ROR2: variants seen among roughly 807,000 people sequenced by gnomAD.
ROR2 encodes tyrosine-protein kinase transmembrane receptor ROR2.
ROR2 carries 33 observed loss-of-function variants against 74.9 expected under a neutral mutation model. The ratio of observed to expected loss-of-function variants is 0.44; its 90% confidence interval spans 0.33 to 0.59. The LOEUF (loss-of-function observed/expected upper bound fraction) is 0.59. Among genes scored for constraint, ROR2 ranks in the 20% least tolerant of loss-of-function variants. The pLI is 0.02. For missense variants in ROR2, 1,216 were observed against 1,313.8 expected (o/e 0.93, Z 1.15); for synonymous variants, 586 against 558.7 (o/e 1.05, Z -0.69).
chr9:91,859,934 G>A (rs542627748), intron 1 of ROR2, among the ~76,000 whole-genome samples: 19 of 152,316 alleles, frequency 1.2e-4, no homozygotes, highest in South Asian at 4.1e-4. Flanking sequence ...ACCCAGCCCC[G>A]TTGAGCCCAC....
chr9:91,756,901 C>T (rs890572914), intron 3 of ROR2, among the ~76,000 whole-genome samples: 3 of 151,926 alleles, frequency 2.0e-5, no homozygotes, highest in Non-Finnish European at 4.4e-5. Flanking sequence ...CAGGCGCCCG[C>T]CACCATGCCA....
At chr9:91,914,790 C>T (rs1343777144) in intron 1 of ROR2, among the ~76,000 whole-genome samples, 4 of 151,776 alleles carry the variant, frequency 2.6e-5, no homozygotes, top group Non-Finnish European at 5.9e-5. Flanking sequence ...CACCTGGCCC[C>T]TTCCTGCTCC....
intron 1 of ROR2, among the ~76,000 whole-genome samples, chr9:91,777,735 G>A (rs553753164): frequency 1.4e-4 from 22 of 152,026 alleles, no homozygotes; most frequent in African/African-American, 4.8e-4. Context: ...TGGTAACCAC[G>A]AATCTGCTGT....
chr9:91,782,053 T>G (rs1188104651), intron 1 of ROR2, among the ~76,000 whole-genome samples: 1 of 152,214 alleles, frequency 6.6e-6, no homozygotes, highest in Non-Finnish European at 1.5e-5. Flanking sequence ...TTCACAGACC[T>G]TCTCTCTTCC....
chr9:91,913,054 G>C lies in ROR2; in HGVS notation c.97+36813C>G, dbSNP rs561965566. 2.0e-4 allele frequency among the ~76,000 whole-genome samples: 31 copies of C among 152,202 alleles called. No homozygotes were observed. In the East Asian group the frequency reaches 5.4e-3, roughly 27 times the overall value. On this transcript the variant is annotated intron_variant, in intron 1 of 8. Coordinates refer to ENST00000375708, the MANE Select transcript of ROR2 (RefSeq NM_004560.4). ...TGAGGCAGGAGAATCGCTTGAACCC[G>C]GGAAGCAGAGGTTGCAGTGAGTCGA...
At chr9:91,943,217 T>C (rs1246411545) in intron 1 of ROR2, among the ~76,000 whole-genome samples, 2 of 152,070 alleles carry the variant, frequency 1.3e-5, no homozygotes, top group East Asian at 1.9e-4. Context: ...CCTGTCCCCA[T>C]CCCATATTCA....
At chr9:91,851,079 G>A (rs988387060) in intron 1 of ROR2, among the ~76,000 whole-genome samples, 8 of 152,088 alleles carry the variant, frequency 5.3e-5, no homozygotes, top group South Asian at 2.1e-4. Flanking sequence ...CCGGCCGGGC[G>A]CGGTGGCTCA....
intron 1 of ROR2, among the ~76,000 whole-genome samples, chr9:91,891,747 C>T (rs1830425604): frequency 2.0e-5 from 3 of 152,164 alleles, no homozygotes; most frequent in Admixed American, 2.0e-4. Flanking sequence ...GGGCCCCTCA[C>T]CTTTAAAGCC....
intron 3 of ROR2, among the ~76,000 whole-genome samples, chr9:91,756,743 C>CTTTTTTTTTTTTTTTTTT (rs557043787): frequency 9.6e-5 from 10 of 104,066 alleles, no homozygotes; most frequent in East Asian, 2.8e-4. Context: ...TTTTTGTTCT[C>CTTTTTTTTTTTTTTTTTT]TTTTTTTTTT....
At chr9:91,935,391 A>C (rs1489872631) in intron 1 of ROR2, among the ~76,000 whole-genome samples, 2 of 152,160 alleles carry the variant, frequency 1.3e-5, no homozygotes, top group African/African-American at 2.4e-5. Context: ...AAAGTGAGAG[A>C]GCTCCCTGAC....
intron 4 of ROR2, among the ~76,000 whole-genome samples, chr9:91,750,103 T>C (rs1254838066): frequency 6.6e-6 from 1 of 152,192 alleles, no homozygotes; most frequent in Non-Finnish European, 1.5e-5. Context: ...GGTTTCACGA[T>C]GTTGGCCAGG....
At chr9:91,882,744 T>C (rs912200410) in intron 1 of ROR2, among the ~76,000 whole-genome samples, 5 of 152,028 alleles carry the variant, frequency 3.3e-5, no homozygotes, top group Non-Finnish European at 5.9e-5. Context: ...CGAAGACAGA[T>C]GTCATAAGAA....
intron 7 of ROR2, among the ~76,000 whole-genome samples, chr9:91,730,072 TC>T (rs1837180804): frequency 6.6e-6 from 1 of 152,138 alleles, no homozygotes; most frequent in Non-Finnish European, 1.5e-5. Flanking sequence ...TCCTCCCACC[TC>T]CACCACCCAA....
At chr9:91,735,908 G>A (rs1005146757) in intron 5 of ROR2, among the ~76,000 whole-genome samples, 4 of 152,028 alleles carry the variant, frequency 2.6e-5, no homozygotes, top group African/African-American at 9.7e-5. Context: ...GAGCCACCGT[G>A]CCCGGCCACT....
intron 1 of ROR2, among the ~76,000 whole-genome samples, chr9:91,812,236 T>C (rs1181722872): frequency 6.6e-6 from 1 of 152,140 alleles, no homozygotes; most frequent in Non-Finnish European, 1.5e-5. Flanking sequence ...TTCGGCTCCT[T>C]GTGTGTGTTT....
chr9:91,827,734 T>C (rs1436750127), intron 1 of ROR2, among the ~76,000 whole-genome samples: 1 of 152,248 alleles, frequency 6.6e-6, no homozygotes, highest in African/African-American at 2.4e-5. Context: ...AAGAATATAA[T>C]TTTGTTCAAT....
intron 1 of ROR2, among the ~76,000 whole-genome samples, chr9:91,933,709 CATT>C (rs1831610148): frequency 6.6e-6 from 1 of 152,146 alleles, no homozygotes; most frequent in Admixed American, 6.5e-5. Flanking sequence ...ACCTTGAAAA[CATT>C]ATGCTAAGTG....
intron 1 of ROR2, among the ~76,000 whole-genome samples, chr9:91,801,740 C>T (rs916067334): frequency 6.6e-6 from 1 of 152,220 alleles, no homozygotes; most frequent in Admixed American, 6.5e-5. Flanking sequence ...GTTCACTCAA[C>T]ACAGACAGAC....
Position 91,722,920 on chromosome 9 carries a change from T to C in ROR2, c.*742A>G. 3.3e-6 allele frequency: 1 copy of C among 302,194 alleles called. No individual in the cohort carries two copies. The highest frequency in any genetic ancestry group is 5.9e-5 in the East Asian group (1 of 16,930). 18.7% of individuals were successfully genotyped at this position (302,194 alleles called of 1,614,324 possible). On this transcript the variant is annotated 3_prime_UTR_variant, in exon 9 of 9. Coordinates refer to ENST00000375708, the MANE Select transcript of ROR2 (RefSeq NM_004560.4). ...AATAACAATACCGTGTTCTGTACAA[T>C]ACTGCTTCCTCTGAACATTCCAAAC...
Sources: allele counts gnomAD v4.1 joint callset (sites outside exome capture counted in the v4.1 genomes callset), GRCh38; gene constraint gnomAD v4.1.1; transcripts MANE v1.5; gene names NCBI Gene and HGNC (gene_info 2026-07-23, HGNC 2026-07-21).